Variants in NCKAP1 observed in about 807,000 individuals in gnomAD.
The protein encoded by NCKAP1 is NCK associated protein 1.
A neutral mutation model predicts 151.2 loss-of-function variants in NCKAP1; 21 were observed. That is an observed-to-expected ratio of 0.14 (90% CI 0.10 to 0.20). NCKAP1 has a LOEUF of 0.20. Ranked by LOEUF, NCKAP1 falls within the 10% of genes least tolerant of loss-of-function variation. The pLI is 1.00. For missense variants in NCKAP1, 933 were observed against 1,352.1 expected (o/e 0.69, Z 4.86); for synonymous variants, 484 against 451.8 (o/e 1.07, Z -0.90).
chr2:182,984,142 A>G (rs965341150), intron 10 of NCKAP1, among the ~76,000 whole-genome samples: 3 of 152,172 alleles, frequency 2.0e-5, no homozygotes, highest in African/African-American at 7.2e-5. Context: ...CTATATTCTT[A>G]TTAAGTTATA....
intron 2 of NCKAP1, among the ~76,000 whole-genome samples, chr2:183,009,828 T>C (rs910770421): frequency 6.6e-6 from 1 of 152,174 alleles, no homozygotes; most frequent in Non-Finnish European, 1.5e-5. Flanking sequence ...TCCGGGTCTA[T>C]GAGATTCCAA....
rs1033136308 is a variant in NCKAP1, at chr2:182,939,862, A to G, written c.2695+2208T>C. 3.3e-5 allele frequency among the ~76,000 whole-genome samples: 5 copies of G among 152,370 alleles called. No homozygotes were observed. In the South Asian group the frequency reaches 6.2e-4, roughly 19 times the overall value. Reference sequence around the variant, plus strand: ...AGAAAAGATTTAATAAATTCTATTTAAAGACAAATTTGATTTATATGGGTC... The same window carrying G: ...AGAAAAGATTTAATAAATTCTATTTGAAGACAAATTTGATTTATATGGGTC... On this transcript the variant is annotated intron_variant, in intron 24 of 30. Coordinates refer to ENST00000361354, the MANE Select transcript of NCKAP1 (RefSeq NM_013436.5).
At chr2:182,937,726 A>G (rs746211663) in intron 24 of NCKAP1, among the ~76,000 whole-genome samples, 4 of 152,226 alleles carry the variant, frequency 2.6e-5, no homozygotes, top group Non-Finnish European at 5.9e-5. Context: ...CAAATGTGAC[A>G]CACCAATTTG....
At chr2:182,938,410 T>A (rs957629471) in intron 24 of NCKAP1, among the ~76,000 whole-genome samples, 2 of 151,732 alleles carry the variant, frequency 1.3e-5, no homozygotes, top group African/African-American at 4.8e-5. Flanking sequence ...AAAAGGAGAA[T>A]AAAAGAGATA....
chr2:182,982,189 T>C, intron 12 of NCKAP1, among the ~76,000 whole-genome samples: 1 of 152,128 alleles, frequency 6.6e-6, no homozygotes, highest in South Asian at 2.1e-4. Context: ...GAAATATTAC[T>C]GAGCATAGCA....
Position 182,930,751 on chromosome 2 carries a change from C to A in NCKAP1, c.2897G>T (p.Gly966Val). The A allele has an allele frequency of 6.2e-7, 1 of 1,613,416 alleles. No homozygotes were observed. Among genetic ancestry groups the A allele is most frequent in the Non-Finnish European group, 8.5e-7 (1 of 1,179,468 alleles). The change falls in exon 27 of 31, where the codon GGA (glycine) becomes GTA (valine). Residue 966 changes from glycine (G) to valine (V), a missense_variant. Physicochemically the swap from Gly to Val is moderately radical, Grantham distance 109 (BLOSUM62 -3). Transcript: ENST00000361354. ...TGCAGGATCAATCTCACAAGGTAAT[C>A]CGGCAGCTGATGATAACTCATACAC... ...MNVYELSSAA[G>V]LPCEIDPALV...
chr2:182,979,331 G>A (rs1261486270), intron 13 of NCKAP1, among the ~76,000 whole-genome samples: 1 of 152,026 alleles, frequency 6.6e-6, no homozygotes, highest in Non-Finnish European at 1.5e-5. Flanking sequence ...TTGCACAAAT[G>A]CATACAGCTA....
chr2:183,030,965 C>A (rs1011683216), intron 1 of NCKAP1, among the ~76,000 whole-genome samples: 3 of 152,086 alleles, frequency 2.0e-5, no homozygotes, highest in African/African-American at 7.2e-5. Flanking sequence ...AGCACTTTCC[C>A]TCTTAGGTAG....
intron 8 of NCKAP1, among the ~76,000 whole-genome samples, chr2:182,991,107 C>T (rs746569346): frequency 6.6e-6 from 1 of 152,136 alleles, no homozygotes; most frequent in Non-Finnish European, 1.5e-5. Context: ...CACCTTTGTA[C>T]GTTAACACTT....
At chr2:182,953,599 G>A (rs185219155) in intron 20 of NCKAP1, among the ~76,000 whole-genome samples, 12 of 152,218 alleles carry the variant, frequency 7.9e-5, no homozygotes, top group East Asian at 5.8e-4. Flanking sequence ...TCAGGAGTTC[G>A]AGACCATCCT....
At chr2:182,991,004 T>A in intron 8 of NCKAP1, among the ~76,000 whole-genome samples, 2 of 152,158 alleles carry the variant, frequency 1.3e-5, no homozygotes, top group East Asian at 3.9e-4. Context: ...TAAAGAGCCC[T>A]CAAGAGAAAT....
chr2:182,952,054 G>A (rs886518463), intron 23 of NCKAP1, among the ~76,000 whole-genome samples: 54 of 152,048 alleles, frequency 3.6e-4, no homozygotes, highest in African/African-American at 1.0e-3. Flanking sequence ...CATTCAAACC[G>A]CAAGTGTGAA....
At chr2:182,937,114 CAAAAAAAAAAAAAAAAAAAA>C (rs67087110) in intron 24 of NCKAP1, among the ~76,000 whole-genome samples, 2 of 80,810 alleles carry the variant, frequency 2.5e-5, no homozygotes, top group Non-Finnish European at 4.2e-5. Context: ...GACTGTCTCA[CAAAAAAAAAAAAAAAAAAAA>C]AAAAAAAAAG....
At chr2:182,927,477 A>C (rs1372274047) in intron 29 of NCKAP1, among the ~76,000 whole-genome samples, 1 of 152,062 alleles carries the variant, frequency 6.6e-6, no homozygotes, top group Non-Finnish European at 1.5e-5. Context: ...AAAGAAGTAA[A>C]TGTTCTAGAG....
rs1697241387 is a variant in NCKAP1, at chr2:182,952,862, T to C, written c.2434A>G (p.Lys812Glu). Residue 812 changes from lysine to glutamate, a missense_variant, in exon 22 of 31, where the codon AAA becomes GAA. Lys to Glu is a moderately conservative substitution (Grantham distance 56, BLOSUM62 1). Transcript: ENST00000361354. Reference protein sequence around the residue: ...NGHIAYFPAMKAFVNLPTENE... With the variant: ...NGHIAYFPAMEAFVNLPTENE... The stretch of plus-strand genomic sequence containing the variant: ...TCTGTAGGTAAGTTCACAAACGCTT[T>C]CATTGCAGGAAAATATGCTATATGG... The C allele has an allele frequency of 6.2e-7, 1 of 1,612,390 alleles. No homozygotes were observed. The highest frequency in any genetic ancestry group is 1.1e-5 in the South Asian group (1 of 90,772).
At position 182,915,447 on chromosome 2, in the gene NCKAP1, G is replaced by A. The variant is rs955144725; in HGVS notation, c.*10255C>T. ...AGGAATAGCACAACTCACTAGAGCA[G>A]GTATCAGCTGCTCCCTCTAGTCACT... On this transcript the variant is annotated 3_prime_UTR_variant, in exon 31 of 31. Coordinates refer to ENST00000361354, the MANE Select transcript of NCKAP1 (RefSeq NM_013436.5). 8 of 152,198 alleles carry A rather than the reference G, an allele frequency of 5.3e-5. No individual in the cohort carries two copies. Among genetic ancestry groups the A allele is most frequent in the African/African-American group, 1.9e-4 (8 of 41,454 alleles). 9.4% of individuals were successfully genotyped at this position (152,198 alleles called of 1,614,324 possible).
At chr2:182,931,635 C>G (rs72886536) in intron 26 of NCKAP1, among the ~76,000 whole-genome samples, 14,263 of 151,974 alleles carry the variant, frequency 0.094, 792 homozygotes, top group Non-Finnish European at 0.12. Flanking sequence ...TAGACTGACA[C>G]CAAAAGCACA....
chr2:182,964,802 A>G lies in NCKAP1; in HGVS notation c.1635T>C (p.Tyr545=). Residue 545 remains tyrosine, a synonymous_variant, in exon 17 of 31, where the codon TAT becomes TAC. Transcript: ENST00000361354. ...GAAACATCTTCTCAAAAGCACGACT[A>G]TAAAAACTATATAAACAAAAATCAG... is the stretch of plus-strand genomic sequence containing the variant. ...ETSDLSIFCF[Y]SRAFEKMFQQ... 6.3e-7 allele frequency: 1 copy of G among 1,596,498 alleles called. No individual in the cohort carries two copies. The highest frequency in any genetic ancestry group is 2.3e-5 in the East Asian group (1 of 44,216).
intron 20 of NCKAP1, among the ~76,000 whole-genome samples, chr2:182,954,803 A>T (rs779164488): frequency 1.3e-5 from 2 of 151,782 alleles, no homozygotes; most frequent in Non-Finnish European, 2.9e-5. Context: ...ATAAATAAAT[A>T]AATTAAATAA....
Sources: gnomAD v4.1 joint callset for allele counts (sites outside exome capture counted in the v4.1 genomes callset) on GRCh38, gnomAD v4.1.1 for gene constraint, MANE v1.5 for transcripts, NCBI Gene and HGNC (gene_info 2026-07-23, HGNC 2026-07-21) for gene names.